The following SYCP2 variants were observed in gnomAD, a reference collection of about 807,000 sequenced individuals.
SYCP2 encodes the protein synaptonemal complex lateral element protein.
In SYCP2, 55 loss-of-function variants were observed where a neutral mutation model predicts 211.3. That is an observed-to-expected ratio of 0.26 (90% CI 0.21 to 0.33). The LOEUF (loss-of-function observed/expected upper bound fraction) is 0.33, where lower values mean the gene tolerates loss of function less well. SYCP2 is among the 10% of genes least tolerant of loss of function. The pLI, the probability that SYCP2 is intolerant of heterozygous loss-of-function variation, is 1.00. For missense variants in SYCP2, 1,731 were observed against 1,752.0 expected (o/e 0.99, Z 0.21); for synonymous variants, 570 against 555.2 (o/e 1.03, Z -0.37).
chr20:59,924,336 GT>G (rs2060594321), intron 2 of SYCP2, among the ~76,000 whole-genome samples: 1 of 151,900 alleles, frequency 6.6e-6, no homozygotes, highest in Non-Finnish European at 1.5e-5. Context: ...GGGTCTTCAT[GT>G]TCTTATGAGG....
intron 3 of SYCP2, 95 bp downstream of exon 3, chr20:59,922,295 T>G: frequency 8.9e-7 from 1 of 1,123,000 alleles, no homozygotes; most frequent in Admixed American, 2.8e-5. Flanking sequence ...CATGTAAGCT[T>G]TATCATTGCT....
At chr20:59,898,010 A>G (rs919878360) in intron 18 of SYCP2, among the ~76,000 whole-genome samples, 3 of 152,208 alleles carry the variant, frequency 2.0e-5, no homozygotes, top group African/African-American at 7.2e-5. Flanking sequence ...AATCTGAGGC[A>G]GGAGAATCAC....
chr20:59,876,390 AAAAAAAAAAAAAAAAAAAAAAG>A (rs1445318362), intron 33 of SYCP2, among the ~76,000 whole-genome samples: 9 of 130,440 alleles, frequency 6.9e-5, no homozygotes, highest in African/African-American at 2.5e-4. Flanking sequence ...AAAAAAAAAA[AAAAAAAAAAAAAAAAAAAAAAG>A]AAGAAGTGAT....
chr20:59,874,838 A>G (rs1189566341), intron 34 of SYCP2, among the ~76,000 whole-genome samples: 1 of 152,060 alleles, frequency 6.6e-6, no homozygotes, highest in Non-Finnish European at 1.5e-5. Flanking sequence ...CCTCAACTGT[A>G]TACGGTATTA....
intron 15 of SYCP2, among the ~76,000 whole-genome samples, 170 bp from the exon 16 acceptor site, chr20:59,901,980 A>G (rs2145785595): frequency 6.6e-6 from 1 of 152,242 alleles, no homozygotes; most frequent in South Asian, 2.1e-4. Flanking sequence ...TAAATCAATC[A>G]AGTCAATTTA....
chr20:59,868,882 C>T lies in SYCP2; in HGVS notation c.3785G>A (p.Arg1262Lys). ...ASSLSKSSEGREKTWFDMPCD... is the reference protein window; with the variant it reads ...ASSLSKSSEGKEKTWFDMPCD... ...GGGCATGTCAAACCACGTTTTCTCT[C>T]TTCCTTCACTAGACTTGGATAATGA... The change falls in exon 37 of 45, where the codon AGA becomes AAA. Residue 1262 changes from arginine (R) to lysine (K), a missense_variant. Arg to Lys is a conservative substitution (Grantham distance 26). Coordinates refer to ENST00000357552, the MANE Select transcript of SYCP2 (RefSeq NM_014258.4). The T allele has an allele frequency of 6.2e-7, 1 of 1,610,032 alleles. No homozygotes were observed. Among genetic ancestry groups the T allele is most frequent in the Non-Finnish European group, 8.5e-7 (1 of 1,177,744 alleles).
At chr20:59,899,003 C>T (rs1456912084) in intron 18 of SYCP2, among the ~76,000 whole-genome samples, 1 of 152,034 alleles carries the variant, frequency 6.6e-6, no homozygotes, top group East Asian at 1.9e-4. Flanking sequence ...GTGGGATGAA[C>T]ACAGAAATCA....
chr20:59,876,369 C>CAGAAAAAAAA (rs2059556404), intron 33 of SYCP2, among the ~76,000 whole-genome samples: 1 of 23,076 alleles, frequency 4.3e-5, no homozygotes, highest in East Asian at 1.9e-3. Context: ...GGCTGTGTCT[C>CAGAAAAAAAA]AAAAAAAAAA....
chr20:59,872,915 T>C (rs1568910200), intron 35 of SYCP2, among the ~76,000 whole-genome samples: 1 of 152,092 alleles, frequency 6.6e-6, no homozygotes, highest in Non-Finnish European at 1.5e-5. Context: ...ACAGTGTAAT[T>C]ACAATATTTG....
Position 59,914,176 on chromosome 20 carries a change from T to A in SYCP2, c.710A>T (p.His237Leu), listed in dbSNP as rs1329682513. 9 of 1,605,538 alleles carry A rather than the reference T, an allele frequency of 5.6e-6. No individual in the cohort carries two copies. Among genetic ancestry groups the A allele is most frequent in the Non-Finnish European group, 6.8e-6 (8 of 1,174,052 alleles). The part of the protein sequence containing the change: ...TTEKQRQELA[H>L]QWFSMDFIAK... ...AATAAAATCCATTGAAAACCACTGA[T>A]GTGCCAGTTCTTGTCTTTGTTTTTC... Residue 237 changes from histidine to leucine, a missense_variant, in exon 11 of 45, where the codon CAT (histidine) becomes CTT (leucine). By Grantham distance (99) the His-to-Leu change is moderately conservative. This residue lies in a region of SYCP2 where 335 missense variants were observed against 378.8 expected (regional missense o/e 0.88). Transcript: ENST00000357552.
At position 59,864,212 on chromosome 20, in the gene SYCP2, G is replaced by T; in HGVS notation, c.*99C>A. 5 of 816,418 alleles carry T rather than the reference G, an allele frequency of 6.1e-6. No homozygotes were observed. The South Asian group carries it at 8.3e-5, about 14-fold the overall frequency. The allele number at this position is 816,418 out of a possible 1,614,324, so 50.6% of individuals were successfully genotyped here. On this transcript the variant is annotated 3_prime_UTR_variant, in exon 45 of 45. Transcript: ENST00000357552. Reference sequence around the variant, plus strand: ...TTCCTATAAAGGGTACACTTGCTTCGGTGACATGTATATTTTTCTCTTTGT... The same window carrying T: ...TTCCTATAAAGGGTACACTTGCTTCTGTGACATGTATATTTTTCTCTTTGT...
intron 20 of SYCP2, among the ~76,000 whole-genome samples, chr20:59,895,131 C>G (rs2059982368): frequency 6.6e-6 from 1 of 152,020 alleles, no homozygotes; most frequent in South Asian, 2.1e-4. Context: ...ATTCCTATAC[C>G]AGAGTCTTCC....
chr20:59,879,862 T>TATATATACAC (rs1469618397), intron 31 of SYCP2, among the ~76,000 whole-genome samples: 3 of 116,084 alleles, frequency 2.6e-5, no homozygotes, highest in Non-Finnish European at 3.6e-5. Context: ...TATATATATA[T>TATATATACAC]ACACACACAC....
chr20:59,925,692 A>G (rs1245263800), intron 2 of SYCP2, among the ~76,000 whole-genome samples: 1 of 152,032 alleles, frequency 6.6e-6, no homozygotes, highest in Admixed American at 6.6e-5. Flanking sequence ...CCCTGGTAAC[A>G]AGGTTATAAT....
chr20:59,868,926 C>T lies in SYCP2; in HGVS notation c.3742-1G>A. 6.3e-7 allele frequency: 1 copy of T among 1,596,938 alleles called. No individual in the cohort carries two copies. Among genetic ancestry groups the T allele is most frequent in the South Asian group, 1.1e-5 (1 of 88,392 alleles). ...ATAATGAAGATGCTAAATGACTTTC[C>T]TAAAATACGTATTAGAAATTAGAAA... On this transcript the variant is annotated splice_acceptor_variant, in intron 36 of 44. Coordinates refer to ENST00000357552, the MANE Select transcript of SYCP2 (RefSeq NM_014258.4). LOFTEE classifies it high-confidence loss of function.
intron 32 of SYCP2, among the ~76,000 whole-genome samples, 183 bp downstream of exon 32, chr20:59,877,825 A>G (rs953897176): frequency 3.3e-5 from 5 of 152,046 alleles, no homozygotes; most frequent in Admixed American, 6.6e-5. Context: ...AAAGCACAGA[A>G]TAAAATGGAG....
chr20:59,884,572 T>C (rs900715334), intron 26 of SYCP2, among the ~76,000 whole-genome samples: 1 of 152,066 alleles, frequency 6.6e-6, no homozygotes, highest in African/African-American at 2.4e-5. Flanking sequence ...CGTTATTTTA[T>C]ATAGACGTAT....
chr20:59,875,604 A>G, intron 33 of SYCP2, 135 bp from the exon 34 acceptor site: 1 of 596,032 alleles, frequency 1.7e-6, no homozygotes, highest in East Asian at 2.9e-5. Context: ...CCTAGACATG[A>G]GTAGTGAAAG....
At chr20:59,886,585 C>T in intron 25 of SYCP2, 122 bp downstream of exon 25, 8 of 615,708 alleles carry the variant, frequency 1.3e-5, no homozygotes, top group South Asian at 6.6e-5. Flanking sequence ...ATTAAGTAAC[C>T]ATGTGTTTTC....
Sources: allele counts gnomAD v4.1 joint callset (sites outside exome capture counted in the v4.1 genomes callset), GRCh38; gene constraint gnomAD v4.1.1; regional missense constraint gnomAD v4.1.1; transcripts MANE v1.5; gene names NCBI Gene and HGNC (gene_info 2026-07-23, HGNC 2026-07-21).